Variants in GPC6 observed in about 807,000 individuals in gnomAD.
The protein encoded by GPC6 is glypican-6.
GPC6 carries 14 observed loss-of-function variants against 55.2 expected under a neutral mutation model. The ratio of observed to expected loss-of-function variants is 0.25; its 90% CI spans 0.17 to 0.40. The LOEUF is 0.40. GPC6 is among the 10% of genes least tolerant of loss of function. GPC6 has a pLI of 1.00. For synonymous variants in GPC6, 278 were observed against 259.6 expected (o/e 1.07, Z -0.68); for missense variants, 641 against 708.5 (o/e 0.90, Z 1.08).
intron 1 of GPC6, among the ~76,000 whole-genome samples, chr13:93,513,313 G>GT (rs1364450896): frequency 1.3e-5 from 2 of 152,128 alleles, no homozygotes; most frequent in Admixed American, 1.3e-4. Flanking sequence ...ATAAACCAAT[G>GT]ACAGTTACAA....
chr13:94,134,679 T>C (rs1010773451), intron 4 of GPC6, among the ~76,000 whole-genome samples: 1 of 152,186 alleles, frequency 6.6e-6, no homozygotes, highest in Non-Finnish European at 1.5e-5. Flanking sequence ...AAAAACATAT[T>C]CATCATCTTA....
chr13:93,219,676 A>G, the GPC6 span, among the ~76,000 whole-genome samples: 2 of 152,302 alleles, frequency 1.3e-5, no homozygotes, highest in South Asian at 2.1e-4. Flanking sequence ...AAACTTCTCA[A>G]ATTAAAAGCT....
chr13:93,742,197 A>G (rs940340446), intron 2 of GPC6, among the ~76,000 whole-genome samples: 1 of 152,174 alleles, frequency 6.6e-6, no homozygotes, highest in African/African-American at 2.4e-5. Context: ...TTTAGAATGA[A>G]CATTTCAAAG....
Position 93,308,067 on chromosome 13 carries a change from G to T in GPC6, c.160+80451G>T, listed in dbSNP as rs180948045. On this transcript the variant is annotated intron_variant, in intron 1 of 8. Transcript: ENST00000377047. Reference sequence around the variant, plus strand: ...TGGGAGGCCGAGGTGGGCGGATCACGAAGTCAGGAGATCGAGACCATCCTG... The same window carrying T: ...TGGGAGGCCGAGGTGGGCGGATCACTAAGTCAGGAGATCGAGACCATCCTG... Among the ~76,000 whole-genome samples the T allele has an allele frequency of 1.8e-3, 274 of 152,200 alleles. 2 individuals carry two copies. The highest frequency in any genetic ancestry group is 6.3e-3 in the African/African-American group (263 of 41,546).
rs369308085 is a variant in GPC6, at chr13:93,405,188, G to T, written c.161-140075G>T. 2.0e-5 allele frequency among the ~76,000 whole-genome samples: 3 copies of T among 152,114 alleles called. No homozygotes were observed. In the East Asian group the frequency reaches 5.8e-4, roughly 29 times the overall value. On this transcript the variant is annotated intron_variant, in intron 1 of 8. Coordinates refer to ENST00000377047, the MANE Select transcript of GPC6 (RefSeq NM_005708.5). ...CCTGTGCCACCCCCTCCTTCATCTT[G>T]TTTTCATCTTGGGTTCTGTCCACAC...
intron 4 of GPC6, among the ~76,000 whole-genome samples, chr13:94,206,232 A>G (rs1043804341): frequency 3.3e-5 from 5 of 152,208 alleles, no homozygotes; most frequent in Non-Finnish European, 7.3e-5. Flanking sequence ...TTTCTATGAG[A>G]AGAAATAGAT....
intron 1 of GPC6, among the ~76,000 whole-genome samples, chr13:93,321,029 G>A (rs951826167): frequency 2.6e-5 from 4 of 152,200 alleles, no homozygotes; most frequent in African/African-American, 7.2e-5. Flanking sequence ...ATGCTTGATT[G>A]TTAATTTCCA....
intron 2 of GPC6, among the ~76,000 whole-genome samples, chr13:93,811,251 C>T (rs557109580): frequency 6.6e-6 from 1 of 152,190 alleles, no homozygotes; most frequent in Non-Finnish European, 1.5e-5. Flanking sequence ...ATTCCACAAT[C>T]AATTTGCAAG....
chr13:93,601,960 A>G (rs1238762539), intron 2 of GPC6, among the ~76,000 whole-genome samples: 4 of 152,200 alleles, frequency 2.6e-5, no homozygotes, highest in East Asian at 1.9e-4. Flanking sequence ...GAAATTTTTA[A>G]TATAGACTCC....
At chr13:93,418,533 T>A (rs1040266117) in intron 1 of GPC6, among the ~76,000 whole-genome samples, 1 of 151,078 alleles carries the variant, frequency 6.6e-6, no homozygotes, top group Non-Finnish European at 1.5e-5. Context: ...ATTATTTTAT[T>A]AATAGCACTG....
intron 2 of GPC6, among the ~76,000 whole-genome samples, chr13:93,610,513 G>C (rs992395797): frequency 6.6e-6 from 1 of 152,072 alleles, no homozygotes; most frequent in Admixed American, 6.6e-5. Flanking sequence ...CAAGGGAAGC[G>C]TATCAGGAGA....
intron 4 of GPC6, among the ~76,000 whole-genome samples, chr13:94,193,612 A>G (rs1311050532): frequency 6.6e-6 from 1 of 152,166 alleles, no homozygotes; most frequent in Non-Finnish European, 1.5e-5. Context: ...GCGACATGCC[A>G]GAAGGGTTCG....
intron 1 of GPC6, among the ~76,000 whole-genome samples, chr13:93,404,352 C>T (rs1475927766): frequency 1.3e-5 from 2 of 152,124 alleles, no homozygotes; most frequent in Admixed American, 1.3e-4. Context: ...GGAGTGTGGA[C>T]CAGGTTACAG....
chr13:94,155,052 T>C (rs1296571557), intron 4 of GPC6, among the ~76,000 whole-genome samples: 1 of 152,134 alleles, frequency 6.6e-6, no homozygotes, highest in Non-Finnish European at 1.5e-5. Context: ...TCCGGCTCCC[T>C]GGGGGTACAC....
chr13:93,728,114 T>C (rs935318592), intron 2 of GPC6, among the ~76,000 whole-genome samples: 2 of 152,148 alleles, frequency 1.3e-5, no homozygotes, highest in Non-Finnish European at 2.9e-5. Context: ...GTAAAAATTA[T>C]TGCACTCTCA....
At chr13:93,754,826 A>C (rs1884717010) in intron 2 of GPC6, among the ~76,000 whole-genome samples, 1 of 152,126 alleles carries the variant, frequency 6.6e-6, no homozygotes, top group South Asian at 2.1e-4. Context: ...AGGCCACCCA[A>C]ATTGGTCTGG....
Position 93,870,715 on chromosome 13 carries a change from G to A in GPC6, c.711+40170G>A, listed in dbSNP as rs564756585. 3.0e-3 allele frequency among the ~76,000 whole-genome samples: 455 copies of A among 151,808 alleles called. 2 individuals carry two copies. Among genetic ancestry groups the A allele is most frequent in the African/African-American group, 9.7e-3 (404 of 41,464 alleles). ...AAGAGATAAGGACACACACACACAC[G>A]GAAAACTGCGTGAACCTACATGGAG... On this transcript the variant is annotated intron_variant, in intron 3 of 8. Transcript: ENST00000377047.
At chr13:93,650,634 T>G (rs1880370098) in intron 2 of GPC6, among the ~76,000 whole-genome samples, 1 of 152,196 alleles carries the variant, frequency 6.6e-6, no homozygotes, top group Non-Finnish European at 1.5e-5. Flanking sequence ...GTAGCAGAAG[T>G]CTTTGATCAA....
chr13:93,315,292 T>TA (rs1211220572), intron 1 of GPC6, among the ~76,000 whole-genome samples: 2 of 152,048 alleles, frequency 1.3e-5, no homozygotes, highest in African/African-American at 4.8e-5. Context: ...TTCTTTGCCA[T>TA]AAAAAATGAA....
Sources: allele counts gnomAD v4.1 joint callset (sites outside exome capture counted in the v4.1 genomes callset), GRCh38; gene constraint gnomAD v4.1.1; transcripts MANE v1.5; gene names NCBI Gene and HGNC (gene_info 2026-07-23, HGNC 2026-07-21).